The following NBEA variants were observed in gnomAD, a reference collection of about 807,000 sequenced individuals.
The protein encoded by NBEA is lysosomal-trafficking regulator 2.
NBEA carries 44 observed loss-of-function variants against 343.4 expected under a neutral mutation model. That is an observed-to-expected ratio of 0.13 (90% confidence interval 0.10 to 0.16). NBEA has a LOEUF of 0.16. Ranked by LOEUF, NBEA falls within the 10% of genes least tolerant of loss-of-function variation. The pLI, the probability that NBEA is intolerant of heterozygous loss-of-function variation, is 1.00. For missense variants in NBEA, 2,555 were observed against 3,631.3 expected, an observed-to-expected ratio of 0.70 and a Z score of 7.62; for synonymous variants, 1,175 against 1,238.7, an observed-to-expected ratio of 0.95 and a Z score of 1.08.
chr13:35,102,309 T>A (rs972827428), intron 11 of NBEA, among the ~76,000 whole-genome samples: 2 of 151,800 alleles, frequency 1.3e-5, no homozygotes, highest in African/African-American at 4.8e-5. Context: ...AACAGTATTT[T>A]AATTTGTATA....
chr13:35,359,188 C>T (rs1167424194), intron 38 of NBEA, among the ~76,000 whole-genome samples: 2 of 152,194 alleles, frequency 1.3e-5, no homozygotes, highest in East Asian at 1.9e-4. Flanking sequence ...TGTGAAGACA[C>T]ATATGCAGGA....
chr13:35,670,666 C>T (rs558815161), intron 58 of NBEA, among the ~76,000 whole-genome samples: 5 of 152,342 alleles, frequency 3.3e-5, no homozygotes, highest in South Asian at 4.1e-4. Context: ...GGGCCCCTCA[C>T]GCTCTGCAGC....
At chr13:35,200,473 A>AT (rs398022309) in intron 31 of NBEA, among the ~76,000 whole-genome samples, 4 of 150,510 alleles carry the variant, frequency 2.7e-5, no homozygotes, top group African/African-American at 9.7e-5. Context: ...AAAAAAAAAA[A>AT]TAGAGGGCAA....
At chr13:35,092,755 A>G (rs1011127183) in intron 10 of NBEA, among the ~76,000 whole-genome samples, 2 of 152,056 alleles carry the variant, frequency 1.3e-5, no homozygotes, top group African/African-American at 4.8e-5. Flanking sequence ...GGATTGCCAA[A>G]TGGTTCAGCC....
chr13:35,432,417 A>T, intron 39 of NBEA, 24 bp downstream of exon 39: 6 of 1,536,660 alleles, frequency 3.9e-6, no homozygotes, highest in Non-Finnish European at 5.3e-6. Flanking sequence ...CTTCTTCCAC[A>T]AAAATACTTC....
chr13:35,080,266 A>G (rs1410148081), intron 10 of NBEA, among the ~76,000 whole-genome samples: 2 of 152,112 alleles, frequency 1.3e-5, no homozygotes, highest in African/African-American at 2.4e-5. Context: ...AATTGATATC[A>G]TTGAGGATCT....
intron 34 of NBEA, among the ~76,000 whole-genome samples, chr13:35,260,143 A>G (rs1245708596): frequency 6.6e-6 from 1 of 152,208 alleles, no homozygotes; most frequent in Non-Finnish European, 1.5e-5. Flanking sequence ...AGATGGGGAA[A>G]TCAAACTAAA....
intron 17 of NBEA, among the ~76,000 whole-genome samples, chr13:35,137,216 T>G (rs1225150119): frequency 6.6e-6 from 1 of 152,172 alleles, no homozygotes; most frequent in Non-Finnish European, 1.5e-5. Flanking sequence ...TTTGGGAGGC[T>G]GAGATGGGTG....
At chr13:35,099,260 T>C (rs1369664495) in intron 11 of NBEA, among the ~76,000 whole-genome samples, 3 of 145,220 alleles carry the variant, frequency 2.1e-5, no homozygotes, top group Non-Finnish European at 4.5e-5. Context: ...GTGCACTGGC[T>C]CAATCTCGGC....
At chr13:35,458,730 T>A (rs189032501) in intron 40 of NBEA, among the ~76,000 whole-genome samples, 1 of 152,172 alleles carries the variant, frequency 6.6e-6, no homozygotes, top group South Asian at 2.1e-4. Context: ...CTAATCTTTA[T>A]TGCATTTCCA....
intron 41 of NBEA, among the ~76,000 whole-genome samples, chr13:35,487,494 C>A (rs1191909708): frequency 1.3e-5 from 2 of 151,898 alleles, no homozygotes; most frequent in Non-Finnish European, 2.9e-5. Flanking sequence ...GAGGATAATG[C>A]AATGTAACCC....
intron 10 of NBEA, among the ~76,000 whole-genome samples, chr13:35,089,622 G>C (rs2064968153): frequency 1.6e-5 from 2 of 126,562 alleles, no homozygotes; most frequent in East Asian, 4.5e-4. Context: ...TATGTTTATT[G>C]CGGCATTATT....
At chr13:35,272,196 A>G (rs932358671) in intron 34 of NBEA, among the ~76,000 whole-genome samples, 6 of 152,218 alleles carry the variant, frequency 3.9e-5, no homozygotes, top group Non-Finnish European at 8.8e-5. Flanking sequence ...AGTGGGGCCA[A>G]TATTCAACAT....
At chr13:35,100,874 C>T (rs1008456986) in intron 11 of NBEA, among the ~76,000 whole-genome samples, 3 of 151,762 alleles carry the variant, frequency 2.0e-5, no homozygotes, top group African/African-American at 7.2e-5. Flanking sequence ...TCATGATTCC[C>T]ACCCCTAGTC....
At chr13:35,541,725 GGT>G (rs3075505) in intron 41 of NBEA, among the ~76,000 whole-genome samples, 11,495 of 145,022 alleles carry the variant, frequency 0.079, 608 homozygotes, top group African/African-American at 0.16. Context: ...GGTCTGCATG[GGT>G]GTGTGTGTGT....
chr13:35,091,211 C>A (rs932827449), intron 10 of NBEA, among the ~76,000 whole-genome samples: 1 of 151,900 alleles, frequency 6.6e-6, no homozygotes, highest in East Asian at 1.9e-4. Context: ...AATCTCTCTG[C>A]CTTTCTGCCA....
At chr13:35,090,470 G>C (rs2065025927) in intron 10 of NBEA, among the ~76,000 whole-genome samples, 1 of 151,954 alleles carries the variant, frequency 6.6e-6, no homozygotes, top group Admixed American at 6.6e-5. Flanking sequence ...TGGTTTCTTA[G>C]CTGGTAAAAT....
At position 35,325,032 on chromosome 13, in the gene NBEA, A is replaced by G. The variant is rs532114654; in HGVS notation, c.5903+15440A>G. On this transcript the variant is annotated intron_variant, in intron 36 of 58. Coordinates refer to ENST00000379939, the MANE Select transcript of NBEA (RefSeq NM_001385012.1). ...TCTTTGAAGTTTATATTATTTAAATAGTCAAAGTTTTCCTGATTTTTTAGT... is the reference window on the plus strand; with the variant it reads ...TCTTTGAAGTTTATATTATTTAAATGGTCAAAGTTTTCCTGATTTTTTAGT... Among the ~76,000 whole-genome samples, 3 of 152,256 alleles carry G rather than the reference A, an allele frequency of 2.0e-5. No individual in the cohort carries two copies. In the South Asian group the frequency reaches 6.2e-4, roughly 32 times the overall value.
chr13:35,492,205 G>C (rs1279356420), intron 41 of NBEA, among the ~76,000 whole-genome samples: 1 of 151,916 alleles, frequency 6.6e-6, no homozygotes, highest in Non-Finnish European at 1.5e-5. Flanking sequence ...GAAAGGGTCA[G>C]AAGGGAATGA....
Sources: allele counts gnomAD v4.1 joint callset (sites outside exome capture counted in the v4.1 genomes callset), GRCh38; gene constraint gnomAD v4.1.1; transcripts MANE v1.5; gene names NCBI Gene and HGNC (gene_info 2026-07-23, HGNC 2026-07-21).